SIK3: variants seen among roughly 807,000 people sequenced by gnomAD.
SIK3 encodes serine/threonine-protein kinase SIK3.
In SIK3, 28 loss-of-function variants were observed where a neutral mutation model predicts 144.2. The observed-to-expected ratio is 0.19, with a 90% CI of 0.14 to 0.27. The LOEUF (loss-of-function observed/expected upper bound fraction) is 0.27, where lower values mean the gene tolerates loss of function less well. Among genes scored for constraint, SIK3 ranks in the 10% least tolerant of loss-of-function variants. The pLI, the probability that SIK3 is intolerant of heterozygous loss-of-function variation, is 1.00. For synonymous variants in SIK3, 686 were observed against 676.3 expected (o/e 1.01, Z -0.22); for missense variants, 1,319 against 1,776.0 (o/e 0.74, Z 4.62).
chr11:116,954,451 G>A (rs1949064300), intron 2 of SIK3, among the ~76,000 whole-genome samples: 1 of 147,424 alleles, frequency 6.8e-6, no homozygotes, highest in Non-Finnish European at 1.5e-5. Flanking sequence ...TCAATCATCT[G>A]AAGCACAAAA....
chr11:116,991,428 T>C (rs61905687), intron 1 of SIK3, among the ~76,000 whole-genome samples: 24,667 of 152,094 alleles, frequency 0.16, 2,126 homozygotes, highest in Admixed American at 0.21. Context: ...GTATGGGCAA[T>C]AGAGCAAGGC....
At chr11:117,075,840 C>CTT (rs1037271983) in intron 1 of SIK3, among the ~76,000 whole-genome samples, 2,257 of 40,916 alleles carry the variant, frequency 0.055, 602 homozygotes, top group African/African-American at 0.17. Context: ...CCAAGCCTGG[C>CTT]TTTTTTTTTT....
At chr11:116,956,259 A>G (rs924786278) in intron 2 of SIK3, among the ~76,000 whole-genome samples, 1 of 152,018 alleles carries the variant, frequency 6.6e-6, no homozygotes, top group Non-Finnish European at 1.5e-5. Context: ...TCCAGCCATC[A>G]GATTTACTGC....
intron 9 of SIK3, 116 bp downstream of exon 9, chr11:116,875,750 G>A (rs1472250669): frequency 1.6e-6 from 2 of 1,248,468 alleles, no homozygotes; most frequent in African/African-American, 3.0e-5. Context: ...ACAAATGGGA[G>A]GAGACAGAGG....
chr11:116,980,241 C>T (rs185378433), intron 1 of SIK3, among the ~76,000 whole-genome samples: 14 of 152,272 alleles, frequency 9.2e-5, no homozygotes, highest in Non-Finnish European at 1.8e-4. Flanking sequence ...TGTTAGCCTA[C>T]GACTGAGCAA....
chr11:116,930,867 T>C (rs1947567360), intron 3 of SIK3, among the ~76,000 whole-genome samples: 1 of 151,902 alleles, frequency 6.6e-6, no homozygotes, highest in South Asian at 2.1e-4. Flanking sequence ...ATCAACTACT[T>C]ATCTATTTAG....
At chr11:117,039,630 T>A (rs1260811540) in intron 1 of SIK3, among the ~76,000 whole-genome samples, 1 of 152,206 alleles carries the variant, frequency 6.6e-6, no homozygotes, top group African/African-American at 2.4e-5. Context: ...AAAGACATAT[T>A]TTTTTAAGAA....
chr11:117,041,441 G>A (rs917147004), intron 1 of SIK3, among the ~76,000 whole-genome samples: 3 of 151,992 alleles, frequency 2.0e-5, no homozygotes, highest in African/African-American at 7.2e-5. Flanking sequence ...AACTAATTTT[G>A]TCCACTCTAT....
intron 2 of SIK3, among the ~76,000 whole-genome samples, chr11:116,954,571 T>A (rs1949071021): frequency 6.6e-6 from 1 of 152,140 alleles, no homozygotes; most frequent in African/African-American, 2.4e-5. Context: ...TTTCTTTTTT[T>A]TATAGAAATG....
At chr11:116,870,553 C>G in intron 13 of SIK3, 152 bp from the exon 14 acceptor site, 8 of 957,174 alleles carry the variant, frequency 8.4e-6, no homozygotes, top group Non-Finnish European at 1.1e-5. Context: ...TTTCATATAC[C>G]TATTTTTCCA....
chr11:116,953,672 C>T (rs151193151), intron 3 of SIK3, among the ~76,000 whole-genome samples: 33 of 152,330 alleles, frequency 2.2e-4, no homozygotes, highest in African/African-American at 7.5e-4. Context: ...CTAAGTGGCT[C>T]TTTCTGACAC....
rs1354588576 is a variant in SIK3, at chr11:116,944,241, C to T, written c.454+9803G>A. 5.3e-5 allele frequency among the ~76,000 whole-genome samples: 8 copies of T among 152,248 alleles called. No individual in the cohort carries two copies. The South Asian group carries it at 1.7e-3, about 32-fold the overall frequency. On this transcript the variant is annotated intron_variant, in intron 3 of 24. Coordinates refer to ENST00000445177, the MANE Select transcript of SIK3 (RefSeq NM_001366686.3). ...CTTCCCTTGGCTTCTGGGAAGCAGT[C>T]TCTGGGTTCTTGGAATGTTATGTCT...
chr11:116,857,568 G>A, intron 21 of SIK3: 1 of 566,334 alleles, frequency 1.8e-6, no homozygotes. Flanking sequence ...TATGAATAAG[G>A]GAAATGGATC....
chr11:117,025,725 C>A (rs73594158), intron 1 of SIK3, among the ~76,000 whole-genome samples: 2 of 152,052 alleles, frequency 1.3e-5, no homozygotes, highest in African/African-American at 4.8e-5. Context: ...ATCCACCACA[C>A]CCAGCCTATA....
At chr11:117,065,612 T>G (rs913525641) in intron 1 of SIK3, among the ~76,000 whole-genome samples, 5 of 151,200 alleles carry the variant, frequency 3.3e-5, no homozygotes, top group Non-Finnish European at 5.9e-5. Context: ...TTCAATATCT[T>G]CAAATTTAAA....
Position 116,926,705 on chromosome 11 carries a change from C to T in SIK3, c.616+514G>A, listed in dbSNP as rs57022363. Among the ~76,000 whole-genome samples the T allele has an allele frequency of 7.9e-4, 120 of 152,210 alleles. 2 individuals are homozygous for T. The East Asian group carries it at 0.021, about 27-fold the overall frequency. On this transcript the variant is annotated intron_variant, in intron 4 of 24. Transcript: ENST00000445177. Reference sequence around the variant, plus strand: ...CACCTTTCCCTTCTTTCTCCCCAGCCTAGTTCCAGCTGATACTACATTAAA... The same window carrying T: ...CACCTTTCCCTTCTTTCTCCCCAGCTTAGTTCCAGCTGATACTACATTAAA...
chr11:116,891,054 G>A (rs765256331), intron 6 of SIK3, among the ~76,000 whole-genome samples: 12 of 152,186 alleles, frequency 7.9e-5, no homozygotes, highest in South Asian at 4.1e-4. Flanking sequence ...CTGGCTGGGC[G>A]CAGTGGCTCA....
chr11:116,947,531 A>C (rs113030965), intron 3 of SIK3, among the ~76,000 whole-genome samples: 1 of 125,022 alleles, frequency 8.0e-6, no homozygotes, highest in Non-Finnish European at 1.6e-5. Context: ...ATATATATAT[A>C]TATGTATGTA....
At chr11:116,884,509 G>T (rs1944712882) in intron 6 of SIK3, among the ~76,000 whole-genome samples, 1 of 152,108 alleles carries the variant, frequency 6.6e-6, no homozygotes, top group South Asian at 2.1e-4. Flanking sequence ...ACAGGTGCAT[G>T]CCACCACGCC....
Sources: allele counts gnomAD v4.1 joint callset (sites outside exome capture counted in the v4.1 genomes callset), GRCh38; gene constraint gnomAD v4.1.1; transcripts MANE v1.5; gene names NCBI Gene and HGNC (gene_info 2026-07-23, HGNC 2026-07-21).